The following FGD6 variants were observed in gnomAD, a reference collection of about 807,000 sequenced individuals.
The protein encoded by FGD6 is FYVE, RhoGEF and PH domain containing 6, also known as FYVE, RhoGEF and PH domain-containing protein 6.
FGD6 carries 90 observed loss-of-function variants against 149.4 expected under a neutral mutation model. The observed-to-expected ratio is 0.60, with a 90% CI of 0.51 to 0.72. The LOEUF is 0.72. FGD6 is among the 30% of genes least tolerant of loss of function. The pLI is 0.00. For missense variants in FGD6, 1,437 were observed against 1,684.8 expected, an observed-to-expected ratio of 0.85 and a Z score of 2.57; for synonymous variants, 527 against 584.0, an observed-to-expected ratio of 0.90 and a Z score of 1.41.
At chr12:95,207,528 C>T (rs1242079940) in intron 2 of FGD6, among the ~76,000 whole-genome samples, 1 of 152,138 alleles carries the variant, frequency 6.6e-6, no homozygotes, top group African/African-American at 2.4e-5. Context: ...TTGTTAAACA[C>T]AAACAAACAT....
At chr12:95,098,078 C>G (rs1420118298) in intron 14 of FGD6, among the ~76,000 whole-genome samples, 1 of 152,096 alleles carries the variant, frequency 6.6e-6, no homozygotes, top group Non-Finnish European at 1.5e-5. Context: ...CCCTACTTCC[C>G]TCTGAAATCC....
intron 14 of FGD6, 72 bp from the exon 15 acceptor site, chr12:95,094,766 C>T: frequency 8.9e-7 from 1 of 1,126,930 alleles, no homozygotes; most frequent in South Asian, 1.3e-5. Flanking sequence ...TTTTCTTTCT[C>T]CCATGGCAAC....
At chr12:95,193,837 A>AT (rs143236178) in intron 2 of FGD6, among the ~76,000 whole-genome samples, 2 of 151,916 alleles carry the variant, frequency 1.3e-5, no homozygotes, top group East Asian at 1.9e-4. Context: ...CCCATGCTGA[A>AT]TTTTTTTAAA....
chr12:95,132,168 A>C (rs1380383208), intron 8 of FGD6, among the ~76,000 whole-genome samples: 1 of 152,096 alleles, frequency 6.6e-6, no homozygotes, highest in Non-Finnish European at 1.5e-5. Flanking sequence ...TCTTTTGTTT[A>C]AGAGACGGAA....
chr12:95,171,497 G>C (rs2136283030), intron 3 of FGD6, among the ~76,000 whole-genome samples: 1 of 152,270 alleles, frequency 6.6e-6, no homozygotes, highest in South Asian at 2.1e-4. Context: ...AAACTAGAGA[G>C]ACATTATAAT....
At chr12:95,162,136 T>C (rs557849546) in intron 3 of FGD6, among the ~76,000 whole-genome samples, 1 of 147,462 alleles carries the variant, frequency 6.8e-6, no homozygotes, top group African/African-American at 2.5e-5. Context: ...CATGGTGGCA[T>C]GTGCCTGTAG....
intron 8 of FGD6, among the ~76,000 whole-genome samples, chr12:95,132,078 T>G: frequency 6.6e-6 from 1 of 152,158 alleles, no homozygotes; most frequent in East Asian, 1.9e-4. Flanking sequence ...TTTCCCAATC[T>G]AAGATTAAGT....
chr12:95,145,051 C>T (rs968882502), intron 5 of FGD6, among the ~76,000 whole-genome samples: 1 of 128,420 alleles, frequency 7.8e-6, no homozygotes, highest in African/African-American at 3.0e-5. Context: ...TGTAGTGGTG[C>T]GATCTCAGCT....
At chr12:95,173,667 C>A (rs1291774794) in intron 2 of FGD6, among the ~76,000 whole-genome samples, 1 of 152,068 alleles carries the variant, frequency 6.6e-6, no homozygotes, top group Non-Finnish European at 1.5e-5. Flanking sequence ...GAGCCAATTG[C>A]CTGTAGCAAC....
At chr12:95,148,514 T>C (rs1391557104) in intron 5 of FGD6, among the ~76,000 whole-genome samples, 1 of 116,600 alleles carries the variant, frequency 8.6e-6, no homozygotes, top group Non-Finnish European at 1.8e-5. Flanking sequence ...ATAGCATATA[T>C]TATATTATAT....
chr12:95,196,705 T>C (rs10859846), intron 2 of FGD6, among the ~76,000 whole-genome samples: 50,476 of 151,306 alleles, frequency 0.33, 8,733 homozygotes, highest in African/African-American at 0.34. Context: ...AGTGGTGCAA[T>C]CTCAGCTCAC....
intron 9 of FGD6, 133 bp from the exon 10 acceptor site, chr12:95,108,694 A>T: frequency 2.0e-6 from 2 of 977,344 alleles, no homozygotes; most frequent in South Asian, 3.2e-5. Flanking sequence ...ATTGACTGTG[A>T]GTAGGCAGAA....
At chr12:95,092,472 T>C (rs1878088627) in intron 16 of FGD6, among the ~76,000 whole-genome samples, 1 of 152,214 alleles carries the variant, frequency 6.6e-6, no homozygotes, top group Non-Finnish European at 1.5e-5. Context: ...ACTGATGTTC[T>C]AATGTAACTC....
intron 14 of FGD6, among the ~76,000 whole-genome samples, chr12:95,097,726 T>G (rs1878285274): frequency 6.8e-6 from 1 of 146,958 alleles, no homozygotes; most frequent in African/African-American, 2.5e-5. Context: ...AAAGGCCACA[T>G]CACTTTGATT....
chr12:95,170,303 T>C (rs2136282472), intron 3 of FGD6, among the ~76,000 whole-genome samples: 1 of 152,288 alleles, frequency 6.6e-6, no homozygotes, highest in Admixed American at 6.5e-5. Flanking sequence ...TCTGAAGTTC[T>C]TCCTGATTAT....
rs372025806 is a variant in FGD6 at position 95,209,140 on chromosome 12, T to C, written c.2144A>G (p.Asn715Ser). ...ATCCAAAGACTCAGCTCTCAGACCATTAGCTGCACTGGTCTGGCCCCGAGA... is the reference window on the plus strand; with the variant it reads ...ATCCAAAGACTCAGCTCTCAGACCACTAGCTGCACTGGTCTGGCCCCGAGA... ...KKSRGQTSAA[N>S]GLRAESLDDQ... The change falls in exon 2 of 21, where the codon AAT (asparagine) becomes AGT (serine). Residue 715 changes from asparagine to serine, a missense_variant. Around this residue, in one of 2 missense-constraint regions of FGD6, gnomAD observed 1,055 missense variants for 1,146.0 expected, o/e 0.92. Coordinates refer to ENST00000343958, the MANE Select transcript of FGD6 (RefSeq NM_018351.4). The C allele has an allele frequency of 3.7e-6, 6 of 1,614,056 alleles. No homozygotes were observed. Among genetic ancestry groups the C allele is most frequent in the African/African-American group, 2.7e-5 (2 of 74,924 alleles).
chr12:95,107,198 G>T (rs1878657163), intron 12 of FGD6, among the ~76,000 whole-genome samples, 161 bp from the exon 13 acceptor site: 1 of 151,988 alleles, frequency 6.6e-6, no homozygotes, highest in Non-Finnish European at 1.5e-5. Context: ...TACCCAGAAT[G>T]TTTATTAGAA....
intron 8 of FGD6, among the ~76,000 whole-genome samples, chr12:95,127,563 A>C (rs1225583918): frequency 6.6e-6 from 1 of 152,164 alleles, no homozygotes; most frequent in Non-Finnish European, 1.5e-5. Flanking sequence ...AAAGTCATCT[A>C]TTAATTTAAT....
intron 7 of FGD6, 90 bp downstream of exon 7, chr12:95,137,432 C>T: frequency 8.5e-7 from 1 of 1,181,426 alleles, no homozygotes; most frequent in South Asian, 2.6e-5. Flanking sequence ...TCTTTGTTTG[C>T]AAGCTTTGTT....
Sources: allele counts gnomAD v4.1 joint callset (sites outside exome capture counted in the v4.1 genomes callset), GRCh38; gene constraint gnomAD v4.1.1; regional missense constraint gnomAD v4.1.1; transcripts MANE v1.5; gene names NCBI Gene and HGNC (gene_info 2026-07-23, HGNC 2026-07-21).